Variants in CSMD1 observed in about 807,000 individuals in gnomAD.
CSMD1 encodes CUB and Sushi multiple domains 1, also known as CUB and sushi domain-containing protein 1.
In CSMD1, 213 loss-of-function variants were observed where a neutral mutation model predicts 417.5. The ratio of observed to expected loss-of-function variants is 0.51; its 90% CI spans 0.46 to 0.57. The LOEUF is 0.57. CSMD1 is among the 20% of genes least tolerant of loss of function. The pLI is 0.00. For synonymous variants in CSMD1, 2,862 were observed against 1,736.8 expected, an observed-to-expected ratio of 1.65 and a Z score of -16.11; for missense variants, 6,923 against 4,529.7, an observed-to-expected ratio of 1.53 and a Z score of -15.17.
intron 3 of CSMD1, among the ~76,000 whole-genome samples, chr8:4,138,716 A>C (rs1057062692): frequency 6.6e-6 from 1 of 152,166 alleles, no homozygotes; most frequent in African/African-American, 2.4e-5. Context: ...TTCATTTTTT[A>C]AGTGCCAATT....
chr8:3,672,120 G>C (rs891977945), intron 7 of CSMD1, among the ~76,000 whole-genome samples: 1 of 152,144 alleles, frequency 6.6e-6, no homozygotes, highest in Non-Finnish European at 1.5e-5. Flanking sequence ...AAGGTTAGGT[G>C]CTGTCTACTT....
rs182905038 is a variant in CSMD1 at position 3,514,184 on chromosome 8, C to T, written c.1345-20458G>A. ...GCTGTCATAGCTTGTTCCCCAATCC[C>T]TCATGAAGACATGCTCTTGTGTAAA... On this transcript the variant is annotated intron_variant, in intron 10 of 69. Transcript: ENST00000635120. Among the ~76,000 whole-genome samples the T allele has an allele frequency of 5.1e-3, 773 of 152,282 alleles. 4 individuals carry two copies. The highest frequency in any genetic ancestry group is 8.8e-3 in the Non-Finnish European group (597 of 68,022).
At chr8:3,651,114 A>C (rs533312220) in intron 7 of CSMD1, among the ~76,000 whole-genome samples, 1 of 152,338 alleles carries the variant, frequency 6.6e-6, no homozygotes, top group East Asian at 1.9e-4. Context: ...ACCATCTGTC[A>C]GTATCTTGTC....
intron 10 of CSMD1, among the ~76,000 whole-genome samples, chr8:3,494,534 G>C (rs915891593): frequency 2.0e-5 from 3 of 149,978 alleles, no homozygotes; most frequent in Non-Finnish European, 4.4e-5. Context: ...TAGAAGATTA[G>C]CAGATACAGA....
chr8:3,562,417 A>ACACACACGTACATACATGCATAC (rs1554470709), intron 10 of CSMD1, among the ~76,000 whole-genome samples: 1 of 145,330 alleles, frequency 6.9e-6, no homozygotes, highest in South Asian at 2.2e-4. Context: ...CACATGCACA[A>ACACACACGTACATACATGCATAC]ACACACATGC....
intron 5 of CSMD1, among the ~76,000 whole-genome samples, chr8:3,769,212 G>A (rs1798446815): frequency 6.6e-6 from 1 of 152,176 alleles, no homozygotes; most frequent in South Asian, 2.1e-4. Context: ...ACATGTTGGT[G>A]ACACCTACAA....
intron 3 of CSMD1, among the ~76,000 whole-genome samples, chr8:4,197,240 A>G (rs1054739719): frequency 6.6e-6 from 1 of 152,174 alleles, no homozygotes; most frequent in Non-Finnish European, 1.5e-5. Context: ...TTCACAGATA[A>G]TTTCGTATAA....
At chr8:3,564,987 G>A (rs1000600808) in intron 10 of CSMD1, among the ~76,000 whole-genome samples, 5 of 140,060 alleles carry the variant, frequency 3.6e-5, no homozygotes, top group Admixed American at 1.4e-4. Context: ...GGAATGCTGG[G>A]CTTAATACCT....
intron 23 of CSMD1, among the ~76,000 whole-genome samples, chr8:3,309,192 G>A (rs1013044418): frequency 1.3e-5 from 2 of 152,098 alleles, no homozygotes; most frequent in Non-Finnish European, 2.9e-5. Context: ...AAGGAAGAGG[G>A]GCCACCTATC....
intron 2 of CSMD1, among the ~76,000 whole-genome samples, chr8:4,463,957 A>C (rs975700024): frequency 6.6e-6 from 1 of 152,170 alleles, no homozygotes; most frequent in Non-Finnish European, 1.5e-5. Flanking sequence ...AACAGAGCGC[A>C]ATATGGGATA....
At chr8:4,796,686 C>T (rs926416976) in intron 1 of CSMD1, among the ~76,000 whole-genome samples, 1 of 152,184 alleles carries the variant, frequency 6.6e-6, no homozygotes, top group African/African-American at 2.4e-5. Context: ...ACGTGGTGGA[C>T]TCATCCATTG....
chr8:2,948,900 T>G (rs1223584523), intron 68 of CSMD1, among the ~76,000 whole-genome samples: 2 of 151,876 alleles, frequency 1.3e-5, no homozygotes, highest in African/African-American at 4.8e-5. Flanking sequence ...TGTTACTATA[T>G]AAATATATAT....
rs577090356 is a variant in CSMD1 at position 3,919,383 on chromosome 8, T to G, written c.818+78520A>C. ...ACTCAGTTGTCTCAATCTCATGTGT[T>G]GAAGAGACTCTCTTTTCCCCCATTG... On this transcript the variant is annotated intron_variant, in intron 5 of 69. Transcript: ENST00000635120. Among the ~76,000 whole-genome samples, 199 of 152,198 alleles carry G rather than the reference T, an allele frequency of 1.3e-3. 3 individuals carry two copies. Among genetic ancestry groups the G allele is most frequent in the Middle Eastern group, 0.01 (3 of 294 alleles).
intron 10 of CSMD1, among the ~76,000 whole-genome samples, chr8:3,526,765 T>G (rs1478758929): frequency 6.6e-6 from 1 of 152,220 alleles, no homozygotes; most frequent in African/African-American, 2.4e-5. Flanking sequence ...TTTCCCTTCC[T>G]GTAAAACACA....
intron 5 of CSMD1, among the ~76,000 whole-genome samples, chr8:3,838,409 G>T (rs1290035561): frequency 4.7e-5 from 7 of 149,508 alleles, no homozygotes; most frequent in Non-Finnish European, 7.4e-5. Context: ...TATATATATA[G>T]AGAGAGACTA....
intron 2 of CSMD1, among the ~76,000 whole-genome samples, chr8:4,482,643 T>A (rs1180467140): frequency 6.6e-6 from 1 of 152,246 alleles, no homozygotes; most frequent in African/African-American, 2.4e-5. Context: ...ATGTTATTTC[T>A]GAATTTAGGT....
intron 1 of CSMD1, among the ~76,000 whole-genome samples, chr8:4,882,774 G>A (rs1585259184): frequency 1.3e-5 from 2 of 151,978 alleles, no homozygotes; most frequent in South Asian, 2.1e-4. Context: ...AAAACAGAAT[G>A]CCTTACACTG....
intron 6 of CSMD1, among the ~76,000 whole-genome samples, chr8:3,730,169 C>T (rs1186314208): frequency 2.0e-5 from 3 of 151,896 alleles, no homozygotes; most frequent in South Asian, 4.2e-4. Flanking sequence ...CCTTCCATTC[C>T]CCCAAAATCA....
chr8:3,522,416 G>A (rs980766977), intron 10 of CSMD1, among the ~76,000 whole-genome samples: 6 of 152,142 alleles, frequency 3.9e-5, no homozygotes, highest in African/African-American at 1.4e-4. Flanking sequence ...TGGGGGTTTT[G>A]TATCTACCAG....
Sources: gnomAD v4.1 joint callset for allele counts (sites outside exome capture counted in the v4.1 genomes callset) on GRCh38, gnomAD v4.1.1 for gene constraint, MANE v1.5 for transcripts, NCBI Gene and HGNC (gene_info 2026-07-23, HGNC 2026-07-21) for gene names.